Variants in PCDH9 observed in about 807,000 individuals in gnomAD.
The protein encoded by PCDH9 is protocadherin 9, also known as protocadherin-9.
Under a neutral mutation model 70.6 loss-of-function variants are expected in PCDH9, and 24 were observed. The observed-to-expected ratio is 0.34, with a 90% CI of 0.25 to 0.48. The LOEUF (loss-of-function observed/expected upper bound fraction) is 0.48. PCDH9 is among the 20% of genes least tolerant of loss of function. The pLI is 0.99. For missense variants in PCDH9, 1,281 were observed against 1,503.6 expected, an observed-to-expected ratio of 0.85 and a Z score of 2.45; for synonymous variants, 562 against 558.5, an observed-to-expected ratio of 1.01 and a Z score of -0.09.
chr13:67,072,975 A>C (rs906479775), intron 2 of PCDH9, among the ~76,000 whole-genome samples: 1 of 152,208 alleles, frequency 6.6e-6, no homozygotes, highest in Non-Finnish European at 1.5e-5. Context: ...ATGGTTGACC[A>C]CATGCAGGAA....
intron 3 of PCDH9, among the ~76,000 whole-genome samples, chr13:66,747,449 T>C (rs954889316): frequency 1.3e-5 from 2 of 152,296 alleles, no homozygotes; most frequent in Middle Eastern, 6.8e-3. Context: ...AATATTTTAA[T>C]TGTGACCAAT....
chr13:66,438,158 C>T (rs556795558), intron 4 of PCDH9, among the ~76,000 whole-genome samples: 24 of 151,122 alleles, frequency 1.6e-4, no homozygotes, highest in Admixed American at 4.0e-4. Context: ...TGTTTGAAAC[C>T]GGGAGGTAGA....
Position 67,113,554 on chromosome 13 carries a change from G to GT in PCDH9, c.3036+111850dup, listed in dbSNP as rs962782881. Reference sequence around the variant, plus strand: ...ATTAGTTTATTCATTGCCAAATCATGTTTTTTTTTTTGAGACGGACTCTCG... The same window carrying GT: ...ATTAGTTTATTCATTGCCAAATCATGTTTTTTTTTTTTGAGACGGACTCTCG... On this transcript the variant is annotated intron_variant, in intron 2 of 4. Coordinates refer to ENST00000377865, the MANE Select transcript of PCDH9 (RefSeq NM_203487.3). 9.5e-3 allele frequency among the ~76,000 whole-genome samples: 1,390 copies of GT among 146,406 alleles called. 24 individuals are homozygous for GT. The highest frequency in any genetic ancestry group is 0.03 in the African/African-American group (1,223 of 40,192).
intron 4 of PCDH9, among the ~76,000 whole-genome samples, chr13:66,447,753 TTG>T (rs1343047995): frequency 2.0e-5 from 3 of 152,186 alleles, no homozygotes; most frequent in Non-Finnish European, 4.4e-5. Flanking sequence ...GAAAGTTGTC[TTG>T]TAATTTGTAA....
At chr13:67,107,968 A>G (rs865870734) in intron 2 of PCDH9, among the ~76,000 whole-genome samples, 1 of 152,130 alleles carries the variant, frequency 6.6e-6, no homozygotes, top group Non-Finnish European at 1.5e-5. Flanking sequence ...TCTAGACTTC[A>G]TGCAGTACAT....
intron 3 of PCDH9, among the ~76,000 whole-genome samples, chr13:66,737,835 G>A (rs1041567212): frequency 4.6e-5 from 7 of 152,228 alleles, no homozygotes; most frequent in Admixed American, 2.0e-4. Context: ...CACCTGGCTC[G>A]GAGGGTCCTA....
intron 4 of PCDH9, among the ~76,000 whole-genome samples, chr13:66,565,355 AT>A (rs1485958682): frequency 6.6e-6 from 1 of 152,202 alleles, no homozygotes; most frequent in Admixed American, 6.5e-5. Context: ...TTGTTCTTCC[AT>A]TTTCATGAAC....
intron 4 of PCDH9, among the ~76,000 whole-genome samples, chr13:66,514,089 G>C (rs538133903): frequency 1.3e-5 from 2 of 152,082 alleles, no homozygotes; most frequent in Non-Finnish European, 2.9e-5. Flanking sequence ...GGTAGATGCA[G>C]ACTGAATGGA....
intron 4 of PCDH9, among the ~76,000 whole-genome samples, chr13:66,462,622 G>A (rs1026361957): frequency 1.3e-5 from 2 of 151,752 alleles, no homozygotes; most frequent in Non-Finnish European, 1.5e-5. Context: ...AATATGGCCT[G>A]GGCTTTGAAA....
chr13:67,027,393 C>T (rs1566372642), intron 2 of PCDH9, among the ~76,000 whole-genome samples: 2 of 152,128 alleles, frequency 1.3e-5, no homozygotes, highest in Non-Finnish European at 2.9e-5. Flanking sequence ...GGATCCCTTC[C>T]TTACACCTTA....
At chr13:67,182,703 C>T (rs2088649716) in intron 2 of PCDH9, among the ~76,000 whole-genome samples, 1 of 152,090 alleles carries the variant, frequency 6.6e-6, no homozygotes, top group Non-Finnish European at 1.5e-5. Flanking sequence ...ACCACCCAGA[C>T]TTAAGAAGCC....
intron 2 of PCDH9, among the ~76,000 whole-genome samples, chr13:67,181,909 T>G (rs970599572): frequency 6.6e-6 from 1 of 152,186 alleles, no homozygotes; most frequent in Non-Finnish European, 1.5e-5. Context: ...CACCTTCTTT[T>G]CAGGAACATT....
intron 3 of PCDH9, among the ~76,000 whole-genome samples, chr13:66,880,992 G>T (rs1371861337): frequency 6.6e-6 from 1 of 152,112 alleles, no homozygotes; most frequent in African/African-American, 2.4e-5. Flanking sequence ...GATCTCCTGG[G>T]TAAAAAATGA....
intron 3 of PCDH9, among the ~76,000 whole-genome samples, chr13:66,879,147 G>A (rs144810708): frequency 3.9e-4 from 60 of 152,224 alleles, no homozygotes; most frequent in South Asian, 1.5e-3. Context: ...AAAGAGTAGA[G>A]AGTAGTGCCT....
intron 4 of PCDH9, among the ~76,000 whole-genome samples, chr13:66,404,584 G>A (rs578060896): frequency 1.3e-5 from 2 of 152,180 alleles, no homozygotes; most frequent in South Asian, 2.1e-4. Flanking sequence ...AAGAAGAGAG[G>A]AAGGGAGGGA....
At position 66,630,122 on chromosome 13, in the gene PCDH9, T is replaced by C. The variant is rs74822757; in HGVS notation, c.3340+1088A>G. 4.2e-3 allele frequency among the ~76,000 whole-genome samples: 639 copies of C among 152,300 alleles called. 20 individuals are homozygous for C. In the East Asian group the frequency reaches 0.081, roughly 19 times the overall value. On this transcript the variant is annotated intron_variant, in intron 4 of 4. Coordinates refer to ENST00000377865, the MANE Select transcript of PCDH9 (RefSeq NM_203487.3). ...TCGTGCAACCAGTTTGGAGCATGTT[T>C]AAGATGAGTTAAACAAACAAACAAG...
intron 2 of PCDH9, among the ~76,000 whole-genome samples, chr13:67,184,316 C>T (rs2088692952): frequency 6.6e-6 from 1 of 152,104 alleles, no homozygotes; most frequent in South Asian, 2.1e-4. Context: ...GAGGTAAGTT[C>T]CTTTTCATGC....
chr13:66,806,027 A>T (rs2080404490), intron 3 of PCDH9, among the ~76,000 whole-genome samples: 1 of 151,968 alleles, frequency 6.6e-6, no homozygotes, highest in South Asian at 2.1e-4. Context: ...ATGCACACAA[A>T]ATATATATGT....
chr13:67,227,083 G>T lies in PCDH9; in HGVS notation c.1358C>A (p.Ala453Asp). The T allele has an allele frequency of 6.2e-7, 1 of 1,614,058 alleles. No homozygotes were observed. Among genetic ancestry groups the T allele is most frequent in the Non-Finnish European group, 8.5e-7 (1 of 1,179,968 alleles). ...ATCCTCAAGCTTAACCCTTACCAGG[G>T]CAGTCTGATTTAAACTGGGCTTCCC... ...DSGKPSLNQT[A>D]LVRVKLEDEN... Residue 453 changes from alanine to aspartate, a missense_variant, in exon 2 of 5, where the codon GCC becomes GAC. Coordinates refer to ENST00000377865, the MANE Select transcript of PCDH9 (RefSeq NM_203487.3). This position sits in a 1 kb window ranked among gnomAD's most constrained non-coding sequence, Gnocchi z 4.6.
Sources: allele counts gnomAD v4.1 joint callset (sites outside exome capture counted in the v4.1 genomes callset), GRCh38; gene constraint gnomAD v4.1.1; non-coding constraint Gnocchi (gnomAD v3.1); transcripts MANE v1.5; gene names NCBI Gene and HGNC (gene_info 2026-07-23, HGNC 2026-07-21).